The following PHTF1 variants were observed in gnomAD, a reference collection of about 807,000 sequenced individuals.
PHTF1 encodes protein PHTF1.
PHTF1 carries 88 observed loss-of-function variants against 102.4 expected under a neutral mutation model. The observed-to-expected ratio is 0.86, with a 90% confidence interval of 0.72 to 1.03. The LOEUF is 1.03. Among genes scored for constraint, PHTF1 ranks in the 50% least tolerant of loss-of-function variants. The pLI, the probability that PHTF1 is intolerant of heterozygous loss-of-function variation, is 0.00. For missense variants in PHTF1, 814 were observed against 909.5 expected, an observed-to-expected ratio of 0.89 and a Z score of 1.35; for synonymous variants, 289 against 305.2, an observed-to-expected ratio of 0.95 and a Z score of 0.55.
intron 5 of PHTF1, among the ~76,000 whole-genome samples, chr1:113,731,542 AAAG>A (rs533404770): frequency 0.013 from 1,946 of 151,148 alleles, 48 homozygotes; most frequent in African/African-American, 0.044. Flanking sequence ...ATTTTAAAAA[AAAG>A]AAAGAAAGAA....
At position 113,698,624 on chromosome 1, in the gene PHTF1, C is replaced by T. The variant is rs909797067; in HGVS notation, c.2143-237G>A. Among the ~76,000 whole-genome samples the T allele has an allele frequency of 9.6e-3, 557 of 58,186 alleles. 5 individuals are homozygous for T. The highest frequency in any genetic ancestry group is 0.037 in the East Asian group (79 of 2,140). 38.2% of individuals were successfully genotyped at this position (58,186 alleles called of 152,430 possible). A position where few individuals can be genotyped will look rare whatever the true frequency, so the allele number is the denominator to read the frequency against. On this transcript the variant is annotated intron_variant, in intron 17 of 18. Coordinates refer to ENST00000369604, the MANE Select transcript of PHTF1 (RefSeq NM_001323043.2). Reference sequence around the variant, plus strand: ...TTGTAGTTTTATATATATATATACACACACACACACACACACACACACACA... The same window carrying T: ...TTGTAGTTTTATATATATATATACATACACACACACACACACACACACACA...
At position 113,759,057 on chromosome 1, in the gene PHTF1, A is replaced by T; in HGVS notation, c.-65T>A. On this transcript the variant is annotated 5_prime_UTR_variant, in exon 1 of 19. Transcript: ENST00000369604. Reference sequence around the variant, plus strand: ...GTTGCCCCGCGGGCCGGCGCCCGGGACCTCCGTCCTCAGTGCCCGGGGTCC... The same window carrying T: ...GTTGCCCCGCGGGCCGGCGCCCGGGTCCTCCGTCCTCAGTGCCCGGGGTCC... 9.9e-7 allele frequency: 1 copy of T among 1,005,196 alleles called. No homozygotes were observed. The allele number at this position is 1,005,196 out of a possible 1,614,324, so 62.3% of individuals were successfully genotyped here.
At chr1:113,725,001 T>A in intron 6 of PHTF1, 108 bp from the exon 7 acceptor site, 1 of 764,918 alleles carries the variant, frequency 1.3e-6, no homozygotes, top group Non-Finnish European at 2.0e-6. Flanking sequence ...TTAAATCAAG[T>A]ATAGTTTAAC....
rs1274267287 is a variant in PHTF1 at position 113,746,975 on chromosome 1, A to G, written c.103-8176T>C. The G allele has an allele frequency of 4.9e-5, 9 of 184,494 alleles. No homozygotes were observed. The Admixed American group carries it at 5.2e-4, about 11-fold the overall frequency. The allele number at this position is 184,494 out of a possible 1,614,324, so 11.4% of individuals were successfully genotyped here. A position where few individuals can be genotyped will look rare whatever the true frequency, so the allele number is the denominator to read the frequency against. On this transcript the variant is annotated intron_variant, in intron 3 of 18. Transcript: ENST00000369604. ...ATTTCTTACTGTTGAAGATGAGGAA[A>G]TAACTCTTATTTAGCCTTTCTATGC...
intron 6 of PHTF1, chr1:113,726,027 A>G (rs1397177534): frequency 6.3e-6 from 1 of 159,376 alleles, no homozygotes; most frequent in African/African-American, 2.4e-5. Context: ...CACATCTTTG[A>G]AAAAAGGTAA....
Position 113,705,949 on chromosome 1 carries a change from A to G in PHTF1, c.1612T>C (p.Leu538=), listed in dbSNP as rs1323609356. ...VLSIINFFER[L]CLTWMFFFMM... is the part of the protein sequence containing the mutation. ...AAAAAAAACATCCAAGTAAGACACA[A>G]TCTTTCAAAAAAATTAATTATCGAC... Residue 538 remains leucine (L), a synonymous_variant, in exon 13 of 19, where the codon TTG becomes CTG. Transcript: ENST00000369604. The G allele has an allele frequency of 6.2e-7, 1 of 1,614,052 alleles. No homozygotes were observed. The highest frequency in any genetic ancestry group is 1.1e-5 in the South Asian group (1 of 91,078).
At chr1:113,758,574 C>A in intron 2 of PHTF1, 85 bp downstream of exon 2, 1 of 699,656 alleles carries the variant, frequency 1.4e-6, no homozygotes, top group Non-Finnish European at 2.3e-6. Context: ...CTACTAAACT[C>A]GGGGGAAAGT....
chr1:113,717,620 A>T (rs1351666573), intron 7 of PHTF1, among the ~76,000 whole-genome samples: 1 of 152,186 alleles, frequency 6.6e-6, no homozygotes, highest in African/African-American at 2.4e-5. Context: ...TTGGGAAGAT[A>T]AAGAGATTTA....
At chr1:113,745,652 T>A (rs995820140) in intron 3 of PHTF1, among the ~76,000 whole-genome samples, 2 of 152,140 alleles carry the variant, frequency 1.3e-5, no homozygotes, top group Non-Finnish European at 2.9e-5. Flanking sequence ...CTACCTCCTG[T>A]CAGATGAGTG....
intron 7 of PHTF1, among the ~76,000 whole-genome samples, chr1:113,715,630 G>A (rs1651864295): frequency 1.3e-5 from 1 of 79,324 alleles, no homozygotes; most frequent in African/African-American, 4.6e-5. Flanking sequence ...CCTGAGCAAT[G>A]ACAGTGAAAC....
In PHTF1 at chr1:113,758,712, C is replaced by G. The variant is rs1659262282; in HGVS notation, c.-9G>C. 6.2e-7 allele frequency: 1 copy of G among 1,610,762 alleles called. No homozygotes were observed. The highest frequency in any genetic ancestry group is 8.5e-7 in the Non-Finnish European group (1 of 1,178,310). ...CTCTCATTTGAGGCCATCTGTGTCT[C>G]CAGCCAGAGAATGGGATTTCACTGA... is the stretch of plus-strand genomic sequence containing the variant. On this transcript the variant is annotated 5_prime_UTR_variant, in exon 2 of 19. Transcript: ENST00000369604.
chr1:113,707,694 T>C (rs1258128389), intron 11 of PHTF1, among the ~76,000 whole-genome samples: 1 of 152,214 alleles, frequency 6.6e-6, no homozygotes, highest in African/African-American at 2.4e-5. Context: ...ACAATTCATA[T>C]TAAGCACCTA....
chr1:113,734,945 A>C (rs1655243216), intron 5 of PHTF1, among the ~76,000 whole-genome samples: 1 of 152,200 alleles, frequency 6.6e-6, no homozygotes, highest in Admixed American at 6.5e-5. Context: ...ACAGCCTCCA[A>C]AACTGTCAAA....
intron 15 of PHTF1, among the ~76,000 whole-genome samples, chr1:113,701,277 C>A (rs1111695): frequency 0.64 from 97,026 of 151,994 alleles, 32,274 homozygotes; most frequent in African/African-American, 0.79. Flanking sequence ...AAAGTAATAA[C>A]TTTGCTTTAT....
At chr1:113,749,215 TTTCTC>T (rs1253714532) in intron 3 of PHTF1, among the ~76,000 whole-genome samples, 2 of 152,194 alleles carry the variant, frequency 1.3e-5, no homozygotes, top group East Asian at 3.8e-4. Context: ...CATTGCTTCT[TTTCTC>T]TTTTCTTCTT....
intron 17 of PHTF1, 63 bp downstream of exon 17, chr1:113,699,641 T>C: frequency 2.6e-6 from 2 of 769,248 alleles, no homozygotes; most frequent in Non-Finnish European, 4.5e-6. Flanking sequence ...TTTAATGTTT[T>C]CTTAGAGAAA....
intron 3 of PHTF1, among the ~76,000 whole-genome samples, chr1:113,750,814 AGCCTGG>A (rs531592697): frequency 4.1e-4 from 62 of 151,422 alleles, no homozygotes; most frequent in Non-Finnish European, 7.2e-4. Context: ...ACTGCACTCC[AGCCTGG>A]GCAACAGAGC....
rs555999652 is a variant in PHTF1, at chr1:113,747,142, C to T, written c.103-8343G>A. Among the ~76,000 whole-genome samples the T allele has an allele frequency of 3.3e-5, 5 of 152,318 alleles. 1 individual carries two copies. Among genetic ancestry groups the T allele is most frequent in the South Asian group, 4.1e-4 (2 of 4,826 alleles). ...TGATTACAGCATCACCAAACACGCA[C>T]GCCCTCCTGAACTATAGTTTTTTCC... On this transcript the variant is annotated intron_variant, in intron 3 of 18. Transcript: ENST00000369604.
intron 9 of PHTF1, 40 bp downstream of exon 9, chr1:113,711,900 G>A: frequency 6.2e-7 from 1 of 1,600,272 alleles, no homozygotes; most frequent in Non-Finnish European, 8.6e-7. Flanking sequence ...TAACTTCAAT[G>A]ATTCAGTCCT....
Sources: gnomAD v4.1 joint callset for allele counts (sites outside exome capture counted in the v4.1 genomes callset) on GRCh38, gnomAD v4.1.1 for gene constraint, MANE v1.5 for transcripts, NCBI Gene and HGNC (gene_info 2026-07-23, HGNC 2026-07-21) for gene names.